SLC4A9: variants seen among roughly 807,000 people sequenced by gnomAD.
SLC4A9 encodes anion exchange protein 4.
A neutral mutation model predicts 103.2 loss-of-function variants in SLC4A9; 102 were observed. The observed-to-expected ratio is 0.99, with a 90% CI of 0.84 to 1.17. The LOEUF is 1.17. Among genes scored for constraint, SLC4A9 ranks in the 50% most tolerant of loss-of-function variants. The pLI, the probability that SLC4A9 is intolerant of heterozygous loss-of-function variation, is 0.00. For missense variants in SLC4A9, 1,091 were observed against 1,193.7 expected (o/e 0.91, Z 1.27); for synonymous variants, 453 against 483.6 (o/e 0.94, Z 0.83).
intron 18 of SLC4A9, 23 bp from the exon 19 acceptor site, chr5:140,371,428 T>C (rs746071385): frequency 1.9e-6 from 3 of 1,613,538 alleles, no homozygotes; most frequent in Non-Finnish European, 2.5e-6. Context: ...TGCCCTGCTT[T>C]CCTCTTCCTC....
intron 10 of SLC4A9, 79 bp downstream of exon 10, chr5:140,364,266 T>C (rs745722040): frequency 1.9e-6 from 3 of 1,583,224 alleles, no homozygotes; most frequent in Non-Finnish European, 2.6e-6. Context: ...TAGGAGAGAG[T>C]GGGAGCTATC....
intron 17 of SLC4A9, among the ~76,000 whole-genome samples, chr5:140,369,932 G>T (rs569729636): frequency 6.6e-5 from 10 of 152,030 alleles, no homozygotes; most frequent in Non-Finnish European, 1.0e-4. Flanking sequence ...AGCCCAGGAG[G>T]TCTAGGCTGC....
intron 21 of SLC4A9, among the ~76,000 whole-genome samples, chr5:140,374,110 G>T (rs1158383736): frequency 6.6e-6 from 1 of 151,894 alleles, no homozygotes. Flanking sequence ...GAACCTGGGA[G>T]GTGGAGGTTC....
At chr5:140,367,612 A>G in intron 15 of SLC4A9, 31 bp downstream of exon 15, 1 of 1,599,408 alleles carries the variant, frequency 6.3e-7, no homozygotes, top group Non-Finnish European at 8.5e-7. Flanking sequence ...CCCAAGACCA[A>G]GGGACAGAAG....
In SLC4A9 at chr5:140,361,866, T is replaced by C; in HGVS notation, c.561+3T>C. ...AGGAAGCCCCCCTGAGGGAACAGGT[T>C]TGTGGCCCTTCCTTGGGGTCCCTTT... On this transcript the variant is annotated splice_donor_region_variant and intron_variant, in intron 4 of 21. Coordinates refer to ENST00000506757, the MANE Select transcript of SLC4A9 (RefSeq NM_031467.3). 1 of 1,613,822 alleles carries C rather than the reference T, an allele frequency of 6.2e-7. No homozygotes were observed. The highest frequency in any genetic ancestry group is 8.5e-7 in the Non-Finnish European group (1 of 1,179,814).
chr5:140,371,745 G>T, intron 19 of SLC4A9, 121 bp downstream of exon 19: 3 of 1,174,974 alleles, frequency 2.6e-6, no homozygotes, highest in Non-Finnish European at 2.4e-6. Context: ...GGCTCTCCCT[G>T]GTTGGGAATC....
rs1226184103 is a variant in SLC4A9, at chr5:140,363,824, ACT to A, written c.1179_1180del (p.Tyr394HisfsTer8). 1 of 1,613,724 alleles carries A rather than the reference ACT, an allele frequency of 6.2e-7. No individual in the cohort carries two copies. The highest frequency in any genetic ancestry group is 1.3e-5 in the African/African-American group (1 of 74,874). On this transcript the variant is annotated frameshift_variant, in exon 9 of 22. Coordinates refer to ENST00000506757, the MANE Select transcript of SLC4A9 (RefSeq NM_031467.3). LOFTEE classifies it high-confidence loss of function. This position sits in a 1 kb window ranked among gnomAD's most constrained non-coding sequence, Gnocchi z 4.5. ...ALHLQCFSAV[L>X]YIYLATVTNA... ...TGCATCTCCAGTGCTTCTCGGCCGT[ACT>A]CTACATTTACCTGGCCACTGTCACT...
chr5:140,370,810 A>G, intron 17 of SLC4A9: 1 of 420,374 alleles, frequency 2.4e-6, no homozygotes, highest in South Asian at 3.1e-5. Flanking sequence ...ACAGAAGGAA[A>G]TGTGATAGAT....
At chr5:140,364,989 A>T (rs1308828546) in intron 11 of SLC4A9, among the ~76,000 whole-genome samples, 1 of 152,310 alleles carries the variant, frequency 6.6e-6, no homozygotes, top group East Asian at 1.9e-4. Flanking sequence ...GGCAGCTTAT[A>T]CTCGAGAGAG....
chr5:140,372,695 A>C, intron 20 of SLC4A9, 50 bp from the exon 21 acceptor site: 1 of 1,490,080 alleles, frequency 6.7e-7, no homozygotes. Context: ...GTCTTTCACT[A>C]TCTGTCTTTC....
chr5:140,364,036 G>A lies in SLC4A9; in HGVS notation c.1255-18G>A. On this transcript the variant is annotated intron_variant, in intron 9 of 21. Transcript: ENST00000506757. ...CGAGGACTTCAGGGTCCTGTGCTGA[G>A]CCCCTGTTGGCTTCCAGGGAGTGCT... is the stretch of plus-strand genomic sequence containing the variant. The A allele has an allele frequency of 6.6e-7, 1 of 1,524,308 alleles. No individual in the cohort carries two copies. Among genetic ancestry groups the A allele is most frequent in the Non-Finnish European group, 8.8e-7 (1 of 1,136,580 alleles). 94.4% of individuals were successfully genotyped at this position (1,524,308 alleles called of 1,614,324 possible). A position where few individuals can be genotyped will look rare whatever the true frequency, so the allele number is the denominator to read the frequency against.
rs374180296 is a variant in SLC4A9 at position 140,371,417 on chromosome 5, G to A, written c.2497-34G>A. On this transcript the variant is annotated intron_variant, in intron 18 of 21. Coordinates refer to ENST00000506757, the MANE Select transcript of SLC4A9 (RefSeq NM_031467.3). ...GACACCCTCCTATCAGGCTACCTGA[G>A]TGCCCTGCTTTCCTCTTCCTCTTGT... is the stretch of plus-strand genomic sequence containing the variant. 177 of 1,612,694 alleles carry A rather than the reference G, an allele frequency of 1.1e-4. 4 individuals are homozygous for A. The highest frequency in any genetic ancestry group is 8.7e-4 in the East Asian group (39 of 44,864).
At chr5:140,362,408 C>T (rs773497320) in intron 5 of SLC4A9, 37 bp from the exon 6 acceptor site, 6 of 1,596,210 alleles carry the variant, frequency 3.8e-6, no homozygotes, top group South Asian at 1.1e-5. Context: ...TGTGGGAAAG[C>T]AGCCTGTGAA....
In SLC4A9 at chr5:140,364,062, G is replaced by A. The variant is rs989120995; in HGVS notation, c.1263G>A (p.Leu421=). 6.5e-7 allele frequency: 1 copy of A among 1,544,222 alleles called. No individual in the cohort carries two copies. Residue 421 remains leucine (L), a synonymous_variant, in exon 10 of 22, where the codon CTG becomes CTA. Transcript: ENST00000506757. ...GDATDGAQGV[L]ESFLGTAVAG... is the part of the protein sequence containing the mutation. ...CCCCTGTTGGCTTCCAGGGAGTGCT[G>A]GAAAGTTTCCTGGGCACAGCAGTGG...
At chr5:140,367,648 C>T (rs1768089985) in intron 15 of SLC4A9, 67 bp downstream of exon 15, 5 of 1,603,666 alleles carry the variant, frequency 3.1e-6, no homozygotes, top group Middle Eastern at 1.7e-4. Context: ...CGCTCCTCCT[C>T]TCCTACCTCA....
chr5:140,360,648 C>A lies in SLC4A9; in HGVS notation c.231-164C>A, dbSNP rs1053853315. Reference sequence around the variant, plus strand: ...TCCTCTGCAGTCTAGTTTTGAGATCCCCAAGACCCTAGATGAGGGGTGACT... The same window carrying A: ...TCCTCTGCAGTCTAGTTTTGAGATCACCAAGACCCTAGATGAGGGGTGACT... On this transcript the variant is annotated intron_variant, in intron 1 of 21. Coordinates refer to ENST00000506757, the MANE Select transcript of SLC4A9 (RefSeq NM_031467.3). 1.4e-5 allele frequency: 18 copies of A among 1,242,754 alleles called. No individual in the cohort carries two copies. The African/African-American group carries it at 2.2e-4, about 15-fold the overall frequency. The allele number at this position is 1,242,754 out of a possible 1,614,324, so 77.0% of individuals were successfully genotyped here. A position where few individuals can be genotyped will look rare whatever the true frequency, so the allele number is the denominator to read the frequency against.
chr5:140,365,747 G>A, intron 12 of SLC4A9, 87 bp from the exon 13 acceptor site: 1 of 1,484,518 alleles, frequency 6.7e-7, no homozygotes, highest in South Asian at 1.3e-5. Context: ...GTGTCTCTGT[G>A]GGTCCCTCCT....
chr5:140,365,657 C>A, intron 12 of SLC4A9, 79 bp downstream of exon 12: 1 of 1,514,048 alleles, frequency 6.6e-7, no homozygotes, highest in Non-Finnish European at 9.1e-7. Context: ...CTCTTCCTAC[C>A]CATAGGTTAA....
intron 19 of SLC4A9, 79 bp downstream of exon 19, chr5:140,371,703 C>G: frequency 6.7e-7 from 1 of 1,493,350 alleles, no homozygotes; most frequent in Non-Finnish European, 9.2e-7. Flanking sequence ...AAGGCCTCCA[C>G]GAGAGGAAGA....
Sources: allele counts gnomAD v4.1 joint callset (sites outside exome capture counted in the v4.1 genomes callset), GRCh38; gene constraint gnomAD v4.1.1; non-coding constraint Gnocchi (gnomAD v3.1); transcripts MANE v1.5; gene names NCBI Gene and HGNC (gene_info 2026-07-23, HGNC 2026-07-21).